Variants in KCNIP1 observed in about 807,000 individuals in gnomAD.
KCNIP1 encodes the protein A-type potassium channel modulatory protein KCNIP1.
In KCNIP1, 18 loss-of-function variants were observed where a neutral mutation model predicts 33.0. The observed-to-expected ratio is 0.55, with a 90% CI of 0.38 to 0.81. The LOEUF is 0.81. Ranked by LOEUF, KCNIP1 falls within the 30% of genes least tolerant of loss-of-function variation. KCNIP1 has a pLI of 0.00. For synonymous variants in KCNIP1, 93 were observed against 98.3 expected (o/e 0.95, Z 0.32); for missense variants, 238 against 271.6 (o/e 0.88, Z 0.87).
At chr5:170,615,545 G>A (rs374580242) in intron 1 of KCNIP1, among the ~76,000 whole-genome samples, 10 of 152,156 alleles carry the variant, frequency 6.6e-5, no homozygotes, top group South Asian at 4.1e-4. Flanking sequence ...TCACAATCCC[G>A]ATCTTGCTAG....
At chr5:170,635,762 G>A (rs1412772251) in intron 1 of KCNIP1, among the ~76,000 whole-genome samples, 1 of 152,246 alleles carries the variant, frequency 6.6e-6, no homozygotes, top group African/African-American at 2.4e-5. Context: ...AGCTATTGGA[G>A]GGTATGGAGT....
At chr5:170,676,045 A>AAAGGAGGGAG in intron 1 of KCNIP1, among the ~76,000 whole-genome samples, 1 of 120,594 alleles carries the variant, frequency 8.3e-6, no homozygotes, top group Non-Finnish European at 1.8e-5. Context: ...AAAGAGAGAG[A>AAAGGAGGGAG]GCAGAAAGGA....
At chr5:170,507,992 G>A (rs1385843899) in intron 1 of KCNIP1, among the ~76,000 whole-genome samples, 1 of 152,158 alleles carries the variant, frequency 6.6e-6, no homozygotes, top group Non-Finnish European at 1.5e-5. Flanking sequence ...CACTGCTCCT[G>A]GCCTTGAATG....
At chr5:170,482,208 C>A (rs534255675) in intron 1 of KCNIP1, among the ~76,000 whole-genome samples, 1 of 152,148 alleles carries the variant, frequency 6.6e-6, no homozygotes, top group South Asian at 2.1e-4. Context: ...TTGGAGTCCA[C>A]TTTGAGAAGA....
chr5:170,675,807 A>T (rs79191455), intron 1 of KCNIP1, among the ~76,000 whole-genome samples: 11,400 of 152,252 alleles, frequency 0.075, 434 homozygotes, highest in Middle Eastern at 0.099. Context: ...ATAATGCTGT[A>T]TCCTAACTCA....
At chr5:170,733,063 C>T (rs1412796450) in intron 6 of KCNIP1, among the ~76,000 whole-genome samples, 159 bp downstream of exon 6, 1 of 152,148 alleles carries the variant, frequency 6.6e-6, no homozygotes, top group Admixed American at 6.5e-5. Context: ...AGATGATCTC[C>T]TTAAGCTGCA....
intron 1 of KCNIP1, among the ~76,000 whole-genome samples, chr5:170,366,229 C>A (rs1763655978): frequency 6.6e-6 from 1 of 152,204 alleles, no homozygotes; most frequent in Admixed American, 6.5e-5. Context: ...CACTCCCAGC[C>A]CACACTCTCC....
chr5:170,659,041 C>T (rs1248294251), intron 1 of KCNIP1, among the ~76,000 whole-genome samples: 1 of 152,216 alleles, frequency 6.6e-6, no homozygotes, highest in East Asian at 1.9e-4. Context: ...AGCATTGAGA[C>T]ACGTACTGAG....
In KCNIP1 at chr5:170,408,610, C is replaced by T. The variant is rs1242997144; in HGVS notation, c.88+54646C>T. On this transcript the variant is annotated intron_variant, in intron 1 of 7. Transcript: ENST00000377360. ...CAATTCCAAATGCATTCCTATCCTT[C>T]TCGGGCGATGAGAGAAAGTAATTGG... Among the ~76,000 whole-genome samples, 5 of 152,286 alleles carry T rather than the reference C, an allele frequency of 3.3e-5. No individual in the cohort carries two copies. In the East Asian group the frequency reaches 7.7e-4, roughly 23 times the overall value.
At position 170,689,421 on chromosome 5, in the gene KCNIP1, A is replaced by G. The variant is rs543168600; in HGVS notation, c.62-29337A>G. On this transcript the variant is annotated intron_variant, in intron 1 of 7. Transcript: ENST00000328939. ...CTTGAAACAACTTTATGAGGAAGAT[A>G]CTACTATAGTCTCCATTTGACAGAT... Among the ~76,000 whole-genome samples, 3 of 152,340 alleles carry G rather than the reference A, an allele frequency of 2.0e-5. No individual in the cohort carries two copies. In the South Asian group the frequency reaches 6.2e-4, roughly 32 times the overall value.
chr5:170,482,149 G>A (rs1328602223), intron 1 of KCNIP1, among the ~76,000 whole-genome samples: 1 of 152,114 alleles, frequency 6.6e-6, no homozygotes. Flanking sequence ...GAGAATGTGG[G>A]TGATATTAAT....
intron 1 of KCNIP1, among the ~76,000 whole-genome samples, chr5:170,382,130 G>A (rs7725433): frequency 6.6e-6 from 1 of 152,156 alleles, no homozygotes; most frequent in Non-Finnish European, 1.5e-5. Context: ...GCTTGCTGCG[G>A]CCTTGGCTCC....
chr5:170,390,247 C>T (rs1205241117), intron 1 of KCNIP1, among the ~76,000 whole-genome samples: 1 of 152,040 alleles, frequency 6.6e-6, no homozygotes, highest in Non-Finnish European at 1.5e-5. Context: ...GGCCCACGCC[C>T]ATAATCCCAG....
At chr5:170,402,944 T>C (rs1444266010) in intron 1 of KCNIP1, among the ~76,000 whole-genome samples, 7 of 152,230 alleles carry the variant, frequency 4.6e-5, no homozygotes, top group Admixed American at 3.3e-4. Context: ...AAGTCACAGT[T>C]CAATTATTAT....
intron 1 of KCNIP1, chr5:170,378,646 C>G: frequency 6.5e-7 from 1 of 1,531,522 alleles, no homozygotes; most frequent in South Asian, 1.3e-5. Context: ...GGGAGCAGCC[C>G]TGGGGGCCCA....
chr5:170,649,870 T>G (rs1760966889), intron 1 of KCNIP1, among the ~76,000 whole-genome samples: 1 of 152,086 alleles, frequency 6.6e-6, no homozygotes, highest in Non-Finnish European at 1.5e-5. Context: ...AAGGGACAGA[T>G]AGAGTGAAAG....
intron 1 of KCNIP1, among the ~76,000 whole-genome samples, chr5:170,532,612 C>G (rs1663132802): frequency 6.6e-6 from 1 of 152,178 alleles, no homozygotes; most frequent in African/African-American, 2.4e-5. Flanking sequence ...TCAACTGGCC[C>G]TGCCTCAGAT....
chr5:170,714,397 G>T (rs1215289167), intron 1 of KCNIP1, among the ~76,000 whole-genome samples: 2 of 152,188 alleles, frequency 1.3e-5, no homozygotes, highest in African/African-American at 4.8e-5. Context: ...AACGACTTAG[G>T]ACTCAGACAA....
At chr5:170,515,262 C>G (rs1043721488) in intron 1 of KCNIP1, among the ~76,000 whole-genome samples, 1 of 152,188 alleles carries the variant, frequency 6.6e-6, no homozygotes, top group Non-Finnish European at 1.5e-5. Flanking sequence ...AGCATTGAAT[C>G]TTGTCCTGAT....
Sources: gnomAD v4.1 joint callset for allele counts (sites outside exome capture counted in the v4.1 genomes callset) on GRCh38, gnomAD v4.1.1 for gene constraint, MANE v1.5 for transcripts, NCBI Gene and HGNC (gene_info 2026-07-23, HGNC 2026-07-21) for gene names.